Variants in SV2C observed in about 807,000 individuals in gnomAD.
SV2C encodes the protein solute carrier family 22 member B3.
Under a neutral mutation model 79.7 loss-of-function variants are expected in SV2C, and 49 were observed. The ratio of observed to expected loss-of-function variants is 0.61; its 90% CI spans 0.49 to 0.78. The LOEUF (loss-of-function observed/expected upper bound fraction) is 0.78. Ranked by LOEUF, SV2C falls within the 30% of genes least tolerant of loss-of-function variation. The pLI is 0.00. For synonymous variants in SV2C, 334 were observed against 333.2 expected, an observed-to-expected ratio of 1.00 and a Z score of -0.03; for missense variants, 833 against 912.9, an observed-to-expected ratio of 0.91 and a Z score of 1.13.
the SV2C span, among the ~76,000 whole-genome samples, chr5:75,998,643 CAT>C: frequency 1.3e-5 from 2 of 151,480 alleles, no homozygotes; most frequent in Non-Finnish European, 2.9e-5. Context: ...TGTGAGTGTG[CAT>C]GTGTGTGTAT....
At chr5:76,122,420 G>T (rs1396637340) in intron 1 of SV2C, among the ~76,000 whole-genome samples, 5 of 151,812 alleles carry the variant, frequency 3.3e-5, no homozygotes, top group Admixed American at 2.6e-4. Flanking sequence ...GAATAGGAGT[G>T]GTGAGAGAGG....
At chr5:76,218,971 T>A (rs932533551) in intron 4 of SV2C, among the ~76,000 whole-genome samples, 1 of 152,202 alleles carries the variant, frequency 6.6e-6, no homozygotes, top group African/African-American at 2.4e-5. Flanking sequence ...GGTTCACCTG[T>A]CATTTGAAGT....
chr5:76,098,196 C>T (rs1747628755), intron 1 of SV2C, among the ~76,000 whole-genome samples: 1 of 152,186 alleles, frequency 6.6e-6, no homozygotes, highest in Non-Finnish European at 1.5e-5. Context: ...AGGTCACTGT[C>T]AGTCAGTGTT....
chr5:75,955,189 A>G, the SV2C span, among the ~76,000 whole-genome samples: 1 of 151,832 alleles, frequency 6.6e-6, no homozygotes, highest in Non-Finnish European at 1.5e-5. Context: ...ACTGGTGCCA[A>G]TACAGAGATA....
At chr5:76,107,830 G>A (rs1363851553) in intron 1 of SV2C, among the ~76,000 whole-genome samples, 1 of 152,032 alleles carries the variant, frequency 6.6e-6, no homozygotes, top group Non-Finnish European at 1.5e-5. Context: ...TCCAGCCTGG[G>A]CAACAGATGA....
At chr5:76,178,336 C>T (rs529236452) in intron 2 of SV2C, among the ~76,000 whole-genome samples, 157 of 152,352 alleles carry the variant, frequency 1.0e-3, no homozygotes, top group Admixed American at 2.9e-3. Flanking sequence ...AGTCACCAAA[C>T]ATGCACACAG....
the SV2C span, among the ~76,000 whole-genome samples, chr5:75,876,543 A>T: frequency 6.6e-6 from 1 of 152,162 alleles, no homozygotes; most frequent in Admixed American, 6.6e-5. Flanking sequence ...TACGTAACAA[A>T]CCTTCACGTG....
At chr5:75,970,238 A>G in the SV2C span, among the ~76,000 whole-genome samples, 1 of 152,126 alleles carries the variant, frequency 6.6e-6, no homozygotes, top group African/African-American at 2.4e-5. Flanking sequence ...TCTAAAATTG[A>G]CACTCTAAAA....
At chr5:76,170,572 G>A (rs373801938) in intron 2 of SV2C, among the ~76,000 whole-genome samples, 2,521 of 132,216 alleles carry the variant, frequency 0.019, 46 homozygotes, top group African/African-American at 0.027. Flanking sequence ...GACCCCCACT[G>A]TACACACGAC....
chr5:75,956,299 A>G, the SV2C span, among the ~76,000 whole-genome samples: 57 of 147,158 alleles, frequency 3.9e-4, 2 homozygotes, highest in South Asian at 0.012. Context: ...CGCAAGAACA[A>G]AAAACCAAAC....
intron 3 of SV2C, among the ~76,000 whole-genome samples, chr5:76,196,094 T>C (rs1302935707): frequency 6.6e-6 from 1 of 152,210 alleles, no homozygotes; most frequent in East Asian, 1.9e-4. Context: ...TGGTTGTTAG[T>C]GATACATCAC....
chr5:76,128,106 T>C (rs752080198), intron 1 of SV2C, among the ~76,000 whole-genome samples: 19 of 152,178 alleles, frequency 1.2e-4, no homozygotes, highest in South Asian at 2.1e-4. Flanking sequence ...TTACCCTTAT[T>C]TCGTGGAGAA....
intron 2 of SV2C, among the ~76,000 whole-genome samples, chr5:76,153,100 C>T (rs141383862): frequency 6.6e-6 from 1 of 152,156 alleles, no homozygotes; most frequent in African/African-American, 2.4e-5. Context: ...AGCCTGGGAA[C>T]GTTGCTTCCT....
At chr5:75,921,015 T>A in the SV2C span, 1 of 714,256 alleles carries the variant, frequency 1.4e-6, no homozygotes, top group African/African-American at 1.8e-5. Context: ...TCGCGGTAGT[T>A]CTCATCCCTA....
At chr5:76,286,442 T>A (rs1747361595) in intron 6 of SV2C, among the ~76,000 whole-genome samples, 1 of 152,102 alleles carries the variant, frequency 6.6e-6, no homozygotes, top group African/African-American at 2.4e-5. Flanking sequence ...CAGAGAGACA[T>A]CTTAGAGAGG....
intron 2 of SV2C, among the ~76,000 whole-genome samples, chr5:76,181,446 A>G (rs1743728417): frequency 6.6e-6 from 1 of 152,230 alleles, no homozygotes. Flanking sequence ...ATAAAGACCT[A>G]CCCGAGACTG....
chr5:76,209,150 A>G (rs542700266), intron 3 of SV2C, among the ~76,000 whole-genome samples: 9 of 152,302 alleles, frequency 5.9e-5, no homozygotes, highest in East Asian at 1.9e-4. Context: ...TTTAGCAGTA[A>G]TATCTACTGG....
In SV2C at chr5:76,301,373, G is replaced by C; in HGVS notation, c.1841-13G>C. The stretch of plus-strand genomic sequence containing the variant: ...CAGGAAACATTCCAGCCTTTTGTCT[G>C]CATTGTTGGCAGGTGGCTCTATGGT... On this transcript the variant is annotated splice_polypyrimidine_tract_variant and intron_variant, in intron 11 of 12. Transcript: ENST00000502798. 1 of 1,613,284 alleles carries C rather than the reference G, an allele frequency of 6.2e-7. No individual in the cohort carries two copies. The highest frequency in any genetic ancestry group is 1.1e-5 in the South Asian group (1 of 91,028).
the SV2C span, among the ~76,000 whole-genome samples, chr5:76,006,042 C>T: frequency 6.6e-6 from 1 of 152,188 alleles, no homozygotes; most frequent in East Asian, 1.9e-4. Context: ...GTTTCCTCAA[C>T]CACGGAAGCA....
Sources: allele counts gnomAD v4.1 joint callset (sites outside exome capture counted in the v4.1 genomes callset), GRCh38; gene constraint gnomAD v4.1.1; transcripts MANE v1.5; gene names NCBI Gene and HGNC (gene_info 2026-07-23, HGNC 2026-07-21).